Variants in BICC1 observed in about 807,000 individuals in gnomAD.
BICC1 encodes protein bicaudal C homolog 1.
BICC1 carries 43 observed loss-of-function variants against 111.0 expected under a neutral mutation model. The ratio of observed to expected loss-of-function variants is 0.39; its 90% CI spans 0.30 to 0.50. The LOEUF is 0.50. Ranked by LOEUF, BICC1 falls within the 20% of genes least tolerant of loss-of-function variation. The probability of loss-of-function intolerance (pLI) is 0.88; values close to 1 mark genes in which losing one functional copy is unlikely to be tolerated. For missense variants in BICC1, 1,091 were observed against 1,203.2 expected (o/e 0.91, Z 1.38); for synonymous variants, 467 against 434.4 (o/e 1.07, Z -0.93).
intron 2 of BICC1, among the ~76,000 whole-genome samples, chr10:58,640,415 A>T (rs942813201): frequency 2.0e-5 from 3 of 152,228 alleles, no homozygotes; most frequent in Non-Finnish European, 4.4e-5. Context: ...AGAAAGCTGC[A>T]TTGTGGCTTT....
chr10:58,745,768 G>C (rs992861154), intron 3 of BICC1, among the ~76,000 whole-genome samples: 3 of 151,934 alleles, frequency 2.0e-5, no homozygotes, highest in Non-Finnish European at 4.4e-5. Flanking sequence ...TTTATTTTGA[G>C]ATCAGCTAAC....
At chr10:58,579,952 A>G (rs1255624267) in intron 1 of BICC1, among the ~76,000 whole-genome samples, 1 of 144,614 alleles carries the variant, frequency 6.9e-6, no homozygotes, top group Non-Finnish European at 1.5e-5. Flanking sequence ...AGAAATAATT[A>G]TATTACATTT....
chr10:58,762,468 T>A (rs1438174679), intron 3 of BICC1, among the ~76,000 whole-genome samples: 1 of 152,156 alleles, frequency 6.6e-6, no homozygotes, highest in Non-Finnish European at 1.5e-5. Flanking sequence ...TGATGTAGTA[T>A]CTGGCCAAAA....
intron 2 of BICC1, among the ~76,000 whole-genome samples, chr10:58,640,838 A>G (rs1451329827): frequency 6.6e-6 from 1 of 152,238 alleles, no homozygotes; most frequent in Non-Finnish European, 1.5e-5. Flanking sequence ...TACATGGTGA[A>G]CACATCAAGT....
intron 1 of BICC1, among the ~76,000 whole-genome samples, chr10:58,583,618 GT>G: frequency 6.6e-6 from 1 of 150,418 alleles, no homozygotes; most frequent in Non-Finnish European, 1.5e-5. Context: ...GTGTGTGTGT[GT>G]GTGTGTGTAC....
intron 1 of BICC1, among the ~76,000 whole-genome samples, 200 bp from the exon 2 acceptor site, chr10:58,620,655 T>C (rs1048800588): frequency 2.0e-5 from 3 of 152,192 alleles, no homozygotes; most frequent in African/African-American, 7.2e-5. Flanking sequence ...TGTTAAATAA[T>C]CCAGAGACAT....
At chr10:58,613,438 A>G (rs982163845) in intron 1 of BICC1, among the ~76,000 whole-genome samples, 1 of 152,224 alleles carries the variant, frequency 6.6e-6, no homozygotes, top group Admixed American at 6.5e-5. Context: ...ATCAAACTTT[A>G]AAGGTCAAGC....
chr10:58,616,562 G>A (rs1845613578), intron 1 of BICC1, among the ~76,000 whole-genome samples: 1 of 152,170 alleles, frequency 6.6e-6, no homozygotes. Context: ...CAGATGACTG[G>A]AGGCCACATG....
chr10:58,641,743 T>C (rs1220784037), intron 2 of BICC1, among the ~76,000 whole-genome samples: 2 of 152,196 alleles, frequency 1.3e-5, no homozygotes, highest in African/African-American at 2.4e-5. Flanking sequence ...ATAAAACCTC[T>C]TTTGAGAGAT....
At chr10:58,799,522 A>G (rs567315943) in intron 12 of BICC1, among the ~76,000 whole-genome samples, 1 of 152,242 alleles carries the variant, frequency 6.6e-6, no homozygotes, top group South Asian at 2.1e-4. Context: ...TAATTTTTAT[A>G]TATGGTGAAA....
At chr10:58,591,984 A>G (rs1436174728) in intron 1 of BICC1, among the ~76,000 whole-genome samples, 2 of 152,248 alleles carry the variant, frequency 1.3e-5, no homozygotes, top group African/African-American at 4.8e-5. Context: ...ATAGAGTAAT[A>G]CAGAATATAC....
intron 1 of BICC1, among the ~76,000 whole-genome samples, chr10:58,569,046 C>G (rs1234643951): frequency 6.6e-6 from 1 of 152,124 alleles, no homozygotes; most frequent in Non-Finnish European, 1.5e-5. Flanking sequence ...AGCTTGGGCC[C>G]TTTTAATTTT....
chr10:58,738,303 A>G (rs539931982), intron 3 of BICC1, among the ~76,000 whole-genome samples: 34 of 150,974 alleles, frequency 2.3e-4, no homozygotes, highest in African/African-American at 7.8e-4. Context: ...AGCTTTCTCC[A>G]TAAGGCTAGC....
chr10:58,538,886 G>C (rs1842890711), intron 1 of BICC1, among the ~76,000 whole-genome samples: 1 of 151,624 alleles, frequency 6.6e-6, no homozygotes, highest in African/African-American at 2.4e-5. Context: ...AGATACTACT[G>C]TACCCCAGCC....
At chr10:58,524,324 A>G (rs1213116432) in intron 1 of BICC1, among the ~76,000 whole-genome samples, 1 of 150,074 alleles carries the variant, frequency 6.7e-6, no homozygotes, top group East Asian at 1.9e-4. Flanking sequence ...AGTAACCAAA[A>G]CAGCATGGTA....
intron 2 of BICC1, among the ~76,000 whole-genome samples, chr10:58,672,703 T>C (rs1042046248): frequency 3.3e-5 from 5 of 152,192 alleles, no homozygotes; most frequent in African/African-American, 7.2e-5. Context: ...GTGGGAAATA[T>C]AGTCTCACAC....
At chr10:58,737,501 A>T (rs968897763) in intron 3 of BICC1, among the ~76,000 whole-genome samples, 1 of 152,154 alleles carries the variant, frequency 6.6e-6, no homozygotes, top group Admixed American at 6.5e-5. Flanking sequence ...TCTATCATTG[A>T]TGGACATTTG....
chr10:58,525,923 A>G (rs915711686), intron 1 of BICC1, among the ~76,000 whole-genome samples: 33 of 151,414 alleles, frequency 2.2e-4, no homozygotes, highest in Admixed American at 1.9e-3. Flanking sequence ...TGGTTGAATA[A>G]TAGTACATTT....
At chr10:58,591,790 G>A (rs1347336351) in intron 1 of BICC1, among the ~76,000 whole-genome samples, 2 of 152,200 alleles carry the variant, frequency 1.3e-5, no homozygotes, top group Admixed American at 6.5e-5. Context: ...TGTGCTGCAA[G>A]CACTCAGCTT....
Sources: gnomAD v4.1 joint callset for allele counts (sites outside exome capture counted in the v4.1 genomes callset) on GRCh38, gnomAD v4.1.1 for gene constraint, MANE v1.5 for transcripts, NCBI Gene and HGNC (gene_info 2026-07-23, HGNC 2026-07-21) for gene names.